The following ATP2B2 variants were observed in gnomAD, a reference collection of about 807,000 sequenced individuals.
ATP2B2 encodes the protein plasma membrane calcium-transporting ATPase 2.
In ATP2B2, 15 loss-of-function variants were observed where a neutral mutation model predicts 120.0. That is an observed-to-expected ratio of 0.12 (90% CI 0.08 to 0.19). The LOEUF (loss-of-function observed/expected upper bound fraction) is 0.19, where lower values mean the gene tolerates loss of function less well. Ranked by LOEUF, ATP2B2 falls within the 10% of genes least tolerant of loss-of-function variation. ATP2B2 has a pLI of 1.00. For missense variants in ATP2B2, 1,045 were observed against 1,719.8 expected, an observed-to-expected ratio of 0.61 and a Z score of 6.94; for synonymous variants, 694 against 700.3, an observed-to-expected ratio of 0.99 and a Z score of 0.14.
intron 2 of ATP2B2, among the ~76,000 whole-genome samples, chr3:10,585,836 C>G (rs1262202240): frequency 6.6e-6 from 1 of 152,104 alleles, no homozygotes; most frequent in African/African-American, 2.4e-5. Flanking sequence ...TTTGGTAGTG[C>G]CCTCAAAACT....
rs562714255 is a variant in ATP2B2, at chr3:10,361,449, CTCCCTTAT to C, written c.1660-1334_1660-1327del. Reference sequence around the variant, plus strand: ...AAAGACTTATCCCTTCCCTGAGTGCCTCCCTTATTTCCTTCTCCCCTTCACACATTAGA... The same window carrying C: ...AAAGACTTATCCCTTCCCTGAGTGCCTTCCTTCTCCCCTTCACACATTAGA... On this transcript the variant is annotated intron_variant, in intron 12 of 22. Transcript: ENST00000360273. Among the ~76,000 whole-genome samples, 70 of 152,288 alleles carry C rather than the reference CTCCCTTAT, an allele frequency of 4.6e-4. 1 individual carries two copies. In the East Asian group the frequency reaches 0.011, roughly 24 times the overall value.
At chr3:10,662,823 CAA>C (rs2070823015) in intron 1 of ATP2B2, among the ~76,000 whole-genome samples, 1 of 151,952 alleles carries the variant, frequency 6.6e-6, no homozygotes, top group African/African-American at 2.4e-5. Context: ...TTCACAATAG[CAA>C]AGACTTGGAT....
chr3:10,435,972 T>A (rs908251653), intron 2 of ATP2B2, among the ~76,000 whole-genome samples: 5 of 152,200 alleles, frequency 3.3e-5, no homozygotes, highest in Admixed American at 3.3e-4. Context: ...TTTAGGGGAT[T>A]TGGTCTCCCC....
At chr3:10,398,681 G>C (rs1159165639) in intron 5 of ATP2B2, among the ~76,000 whole-genome samples, 1 of 152,158 alleles carries the variant, frequency 6.6e-6, no homozygotes, top group Admixed American at 6.5e-5. Context: ...TTGGTCTCCT[G>C]GGACTTCTGG....
At chr3:10,461,075 T>C (rs1023115728) in intron 1 of ATP2B2, among the ~76,000 whole-genome samples, 3 of 152,230 alleles carry the variant, frequency 2.0e-5, no homozygotes, top group Non-Finnish European at 4.4e-5. Flanking sequence ...AATCTAGCTA[T>C]ATTGAGAAAG....
chr3:10,423,452 G>A (rs1350028652), intron 2 of ATP2B2, among the ~76,000 whole-genome samples: 5 of 152,206 alleles, frequency 3.3e-5, no homozygotes, highest in Admixed American at 6.5e-5. Context: ...AGGGAACAAC[G>A]GCTCGGCTTG....
At chr3:10,628,787 T>A (rs2069780308) in intron 1 of ATP2B2, among the ~76,000 whole-genome samples, 2 of 152,230 alleles carry the variant, frequency 1.3e-5, no homozygotes, top group African/African-American at 4.8e-5. Flanking sequence ...CTGGTAGTTC[T>A]GCTCTATAAA....
At chr3:10,384,042 C>T (rs1245675160) in intron 8 of ATP2B2, among the ~76,000 whole-genome samples, 3 of 152,196 alleles carry the variant, frequency 2.0e-5, no homozygotes, top group African/African-American at 7.2e-5. Context: ...CCCAAGCTGT[C>T]ATCCTTCCTC....
At chr3:10,607,260 C>T (rs998521135) in intron 2 of ATP2B2, among the ~76,000 whole-genome samples, 2 of 152,160 alleles carry the variant, frequency 1.3e-5, no homozygotes, top group African/African-American at 4.8e-5. Flanking sequence ...AAGCCCAGAA[C>T]AGAGCCTGAA....
At chr3:10,450,679 G>GC (rs5846660) in intron 1 of ATP2B2, among the ~76,000 whole-genome samples, 1 of 130,926 alleles carries the variant, frequency 7.6e-6, no homozygotes, top group African/African-American at 4.6e-5. Context: ...GGCAGGGGGA[G>GC]GGGGGTCCCT....
chr3:10,385,187 A>G, intron 8 of ATP2B2, 81 bp downstream of exon 8: 1 of 1,387,010 alleles, frequency 7.2e-7, no homozygotes, highest in South Asian at 1.2e-5. Flanking sequence ...AGTCCAGAAC[A>G]AGGAAAGAAA....
At chr3:10,594,630 T>C (rs2068720180) in intron 2 of ATP2B2, among the ~76,000 whole-genome samples, 1 of 151,544 alleles carries the variant, frequency 6.6e-6, no homozygotes. Flanking sequence ...GACGAGTTAA[T>C]GGGTGCAGCA....
At chr3:10,683,776 A>G (rs753449653) in intron 1 of ATP2B2, among the ~76,000 whole-genome samples, 5,945 of 97,956 alleles carry the variant, frequency 0.061, 551 homozygotes, top group Middle Eastern at 0.11. Context: ...ATATATATAT[A>G]TATATATATA....
chr3:10,664,617 A>G (rs36034646), intron 1 of ATP2B2, among the ~76,000 whole-genome samples: 33,566 of 152,056 alleles, frequency 0.22, 6,202 homozygotes, highest in African/African-American at 0.5. Context: ...AACTAATCCT[A>G]TTCACCAAAA....
chr3:10,606,933 AGAGAGG>A (rs1323823311), intron 2 of ATP2B2, among the ~76,000 whole-genome samples: 2 of 68,720 alleles, frequency 2.9e-5, no homozygotes, highest in Admixed American at 1.5e-4. Flanking sequence ...AGAGAGAGAG[AGAGAGG>A]GAGAGGGAGA....
At chr3:10,430,181 C>T (rs2063272386) in intron 2 of ATP2B2, among the ~76,000 whole-genome samples, 1 of 152,252 alleles carries the variant, frequency 6.6e-6, no homozygotes, top group Non-Finnish European at 1.5e-5. Context: ...GCTGTTTTCA[C>T]ACCTGCTAAC....
chr3:10,660,327 T>C (rs2070746555), intron 1 of ATP2B2, among the ~76,000 whole-genome samples: 1 of 151,784 alleles, frequency 6.6e-6, no homozygotes, highest in African/African-American at 2.4e-5. Context: ...TTTGAAAAGA[T>C]CAACAAAATT....
At chr3:10,633,400 T>C (rs2069926914) in intron 1 of ATP2B2, among the ~76,000 whole-genome samples, 1 of 152,180 alleles carries the variant, frequency 6.6e-6, no homozygotes, top group Non-Finnish European at 1.5e-5. Context: ...AAACAATCTG[T>C]TTCTCTTAGA....
At chr3:10,356,923 G>A (rs888794341) in intron 14 of ATP2B2, among the ~76,000 whole-genome samples, 1 of 152,030 alleles carries the variant, frequency 6.6e-6, no homozygotes, top group Non-Finnish European at 1.5e-5. Context: ...TGATAGGAGT[G>A]AGGAAGCCAC....
Sources: gnomAD v4.1 joint callset for allele counts (sites outside exome capture counted in the v4.1 genomes callset) on GRCh38, gnomAD v4.1.1 for gene constraint, MANE v1.5 for transcripts, NCBI Gene and HGNC (gene_info 2026-07-23, HGNC 2026-07-21) for gene names.